The following EHMT2 variants were observed in gnomAD, a reference collection of about 807,000 sequenced individuals.
The protein encoded by EHMT2 is euchromatic histone lysine methyltransferase 2.
In EHMT2, 59 loss-of-function variants were observed where a neutral mutation model predicts 143.3. The ratio of observed to expected loss-of-function variants is 0.41; its 90% CI spans 0.33 to 0.51. The LOEUF is 0.51. Ranked by LOEUF, EHMT2 falls within the 20% of genes least tolerant of loss-of-function variation. The probability of loss-of-function intolerance (pLI) is 0.18; values close to 1 mark genes in which losing one functional copy is unlikely to be tolerated. For missense variants in EHMT2, 1,174 were observed against 1,645.9 expected, an observed-to-expected ratio of 0.71 and a Z score of 4.96; for synonymous variants, 604 against 651.5, an observed-to-expected ratio of 0.93 and a Z score of 1.11.
In EHMT2 at chr6:31,888,038, T is replaced by C. The variant is rs1250827012; in HGVS notation, c.1745+3A>G. On this transcript the variant is annotated splice_donor_region_variant and intron_variant, in intron 13 of 27. Coordinates refer to ENST00000375537, the Ensembl canonical transcript of EHMT2. The surrounding 1 kb of genome is among the most constrained non-coding windows in gnomAD (Gnocchi z 7.4). ...AGACAGTACAGAAGGGGGAGGCCAG[T>C]ACCTGGGCTGAGAAGTGTCTGCTCT... 6.3e-7 allele frequency: 1 copy of C among 1,576,670 alleles called. No individual in the cohort carries two copies. Among genetic ancestry groups the C allele is most frequent in the Non-Finnish European group, 8.6e-7 (1 of 1,161,902 alleles).
intron 4 of EHMT2, 24 bp downstream of exon 4, chr6:31,896,239 T>G (rs1213669852): frequency 6.3e-7 from 1 of 1,592,702 alleles, no homozygotes; most frequent in African/African-American, 1.3e-5. Flanking sequence ...TGGTTGATTA[T>G]CCCATCTCTC....
Position 31,880,153 on chromosome 6 carries a change from A to C in EHMT2, c.3564T>G (p.Arg1188=). The C allele has an allele frequency of 6.2e-7, 1 of 1,612,966 alleles. No homozygotes were observed. Among genetic ancestry groups the C allele is most frequent in the Non-Finnish European group, 8.5e-7 (1 of 1,180,008 alleles). Residue 1188 remains arginine (R), a synonymous_variant, in exon 28 of 28, where the codon CGT becomes CGG. Coordinates refer to ENST00000375537, the Ensembl canonical transcript of EHMT2. This position sits in a 1 kb window ranked among gnomAD's most constrained non-coding sequence, Gnocchi z 6.6. ...CAGGGTGTGGGTCCAGGCGGGCCAG[A>C]CGGCTCTGCTCCAGGGCAATGGCTT... is the stretch of plus-strand genomic sequence containing the variant.
At chr6:31,882,765 C>T in exon 25 of EHMT2, 3 of 1,612,432 alleles carry the variant, frequency 1.9e-6, no homozygotes, top group African/African-American at 1.3e-5. Flanking sequence ...CTTGGCTGTT[C>T]GGTAGAGCTG....
At chr6:31,885,078 G>A in intron 18 of EHMT2, 62 bp from the exon 19 acceptor site, 1 of 1,538,524 alleles carries the variant, frequency 6.5e-7, no homozygotes, top group Non-Finnish European at 8.8e-7. Flanking sequence ...GCAGCAAATG[G>A]TCAAGATTGG....
chr6:31,888,020 A>G lies in EHMT2; in HGVS notation c.1745+21T>C. The stretch of plus-strand genomic sequence containing the variant: ...AGGGGTGGGGGAGGGAACAGACAGT[A>G]CAGAAGGGGGAGGCCAGTACCTGGG... On this transcript the variant is annotated intron_variant, in intron 13 of 27. Coordinates refer to ENST00000375537, the Ensembl canonical transcript of EHMT2. This position sits in a 1 kb window ranked among gnomAD's most constrained non-coding sequence, Gnocchi z 7.4. The G allele has an allele frequency of 3.2e-6, 5 of 1,572,538 alleles. No individual in the cohort carries two copies. The highest frequency in any genetic ancestry group is 4.3e-6 in the Non-Finnish European group (5 of 1,159,538).
At chr6:31,879,913 G>C in exon 28 of EHMT2, 1 of 762,076 alleles carries the variant, frequency 1.3e-6, no homozygotes. Flanking sequence ...CTGGGAGGGA[G>C]GGGCTGTCAG....
At position 31,887,974 on chromosome 6, in the gene EHMT2, G is replaced by C. The variant is rs764287149; in HGVS notation, c.1746-13C>G. ...TCGCATCCGGGCACTGTGGAAGAAG[G>C]AGCTCATGTCCAGGAGCAATAGGGG... On this transcript the variant is annotated splice_polypyrimidine_tract_variant and intron_variant, in intron 13 of 27. Coordinates refer to ENST00000375537, the Ensembl canonical transcript of EHMT2. 1.3e-6 allele frequency: 2 copies of C among 1,582,848 alleles called. No individual in the cohort carries two copies. The highest frequency in any genetic ancestry group is 1.3e-5 in the African/African-American group (1 of 74,190).
Position 31,884,199 on chromosome 6 carries a change from G to T in EHMT2, c.2771+193C>A. The stretch of plus-strand genomic sequence containing the variant: ...ATGCATCTGTGCATCTGAAATTCCA[G>T]TTTAACTGGGTGTCTTCTATTTTTA... On this transcript the variant is annotated intron_variant, in intron 21 of 27. Transcript: ENST00000375537. The surrounding 1 kb of genome is among the most constrained non-coding windows in gnomAD (Gnocchi z 7.3). The T allele has an allele frequency of 1.4e-6, 1 of 740,434 alleles. No individual in the cohort carries two copies. The highest frequency in any genetic ancestry group is 2.1e-6 in the Non-Finnish European group (1 of 468,450). The allele number at this position is 740,434 out of a possible 1,614,324, so 45.9% of individuals were successfully genotyped here.
Position 31,888,121 on chromosome 6 carries a change from G to A in EHMT2, c.1665C>T (p.Thr555=), listed in dbSNP as rs936589930. The change falls in exon 13 of 28, where the codon ACC becomes ACT. Residue 555 remains threonine (T), a synonymous_variant. Transcript: ENST00000375537. The surrounding 1 kb of genome is among the most constrained non-coding windows in gnomAD (Gnocchi z 7.4). ...CAGGAGCTGCAGTGCCGGCCGGTGG[G>A]GTCACCCCGTCACCCCGGGGGATGG... The A allele has an allele frequency of 6.2e-7, 1 of 1,612,204 alleles. No individual in the cohort carries two copies. The highest frequency in any genetic ancestry group is 1.1e-5 in the South Asian group (1 of 91,064).
exon 16 of EHMT2, chr6:31,887,005 A>G (rs1764949543): frequency 6.2e-7 from 1 of 1,613,930 alleles, no homozygotes; most frequent in African/African-American, 1.3e-5. Context: ...CTGCAGCAGC[A>G]CATGGCAGAT....
At position 31,884,583 on chromosome 6, in the gene EHMT2, A is replaced by C; in HGVS notation, c.2604-24T>G. ...ACCTGAAGAGGGGACAGGATGCCCA[A>C]TGCAGGGTCTGAGGCTGCAAGAAGT... On this transcript the variant is annotated intron_variant, in intron 20 of 27. Transcript: ENST00000375537. The surrounding 1 kb of genome is among the most constrained non-coding windows in gnomAD (Gnocchi z 7.3). 6.2e-7 allele frequency: 1 copy of C among 1,611,656 alleles called. No individual in the cohort carries two copies. Among genetic ancestry groups the C allele is most frequent in the Non-Finnish European group, 8.5e-7 (1 of 1,179,096 alleles).
In EHMT2 at chr6:31,884,374, G is replaced by A; in HGVS notation, c.2771+18C>T. On this transcript the variant is annotated intron_variant, in intron 21 of 27. Transcript: ENST00000375537. The surrounding 1 kb of genome is among the most constrained non-coding windows in gnomAD (Gnocchi z 7.3). ...GGGAGGAGGTGGTCTTGGGTGCAGAGAGGGGCCCAGGGCTCACCGGCAGAT... is the reference window on the plus strand; with the variant it reads ...GGGAGGAGGTGGTCTTGGGTGCAGAAAGGGGCCCAGGGCTCACCGGCAGAT... 6.2e-7 allele frequency: 1 copy of A among 1,603,480 alleles called. No individual in the cohort carries two copies. The highest frequency in any genetic ancestry group is 1.7e-5 in the Admixed American group (1 of 59,772).
At position 31,889,178 on chromosome 6, in the gene EHMT2, G is replaced by A. The variant is rs754544743; in HGVS notation, c.1114+50C>T. ...GTGTGTGTGCGTGCACACACTCTGG[G>A]GGGCCGGGCGGGGGCTGGAGGGCAC... On this transcript the variant is annotated intron_variant, in intron 9 of 27. Transcript: ENST00000375537. This position sits in a 1 kb window ranked among gnomAD's most constrained non-coding sequence, Gnocchi z 5.1. 6.4e-7 allele frequency: 1 copy of A among 1,562,262 alleles called. No homozygotes were observed. The highest frequency in any genetic ancestry group is 1.9e-5 in the Admixed American group (1 of 52,490).
chr6:31,880,438 G>A lies in EHMT2; in HGVS notation c.3453-174C>T. The A allele has an allele frequency of 1.1e-6, 1 of 875,760 alleles. No individual in the cohort carries two copies. The highest frequency in any genetic ancestry group is 1.7e-6 in the Non-Finnish European group (1 of 587,590). 54.2% of individuals were successfully genotyped at this position (875,760 alleles called of 1,614,324 possible). A position where few individuals can be genotyped will look rare whatever the true frequency, so the allele number is the denominator to read the frequency against. On this transcript the variant is annotated intron_variant, in intron 27 of 27. Transcript: ENST00000375537. The surrounding 1 kb of genome is among the most constrained non-coding windows in gnomAD (Gnocchi z 6.6). Reference sequence around the variant, plus strand: ...ACTTTCAGCATCAGCATTGCCTGGGGACTTTTTAGAAATGCAGAATCCTGG... The same window carrying A: ...ACTTTCAGCATCAGCATTGCCTGGGAACTTTTTAGAAATGCAGAATCCTGG...
intron 18 of EHMT2, chr6:31,886,368 TAA>T (rs1353201750): frequency 1.7e-6 from 1 of 578,846 alleles, no homozygotes; most frequent in East Asian, 2.8e-5. Flanking sequence ...TTTCAGAGAT[TAA>T]GACAGGAACT....
intron 4 of EHMT2, chr6:31,893,520 T>G: frequency 1.9e-5 from 6 of 309,244 alleles, no homozygotes; most frequent in South Asian, 1.5e-4. Context: ...AGAGAAGAGG[T>G]CTTGCCATGT....
At chr6:31,887,547 A>C in intron 15 of EHMT2, 30 bp downstream of exon 15, 1 of 1,606,024 alleles carries the variant, frequency 6.2e-7, no homozygotes, top group Non-Finnish European at 8.5e-7. Flanking sequence ...AGCTTGGTCA[A>C]GGTCTGCTGA....
In EHMT2 at chr6:31,889,781, G is replaced by A. The variant is rs1191403207; in HGVS notation, c.865-179C>T. 6.6e-6 allele frequency among the ~76,000 whole-genome samples: 1 copy of A among 152,160 alleles called. No individual in the cohort carries two copies. Among genetic ancestry groups the A allele is most frequent in the African/African-American group, 2.4e-5 (1 of 41,426 alleles). Reference sequence around the variant, plus strand: ...GAGAGGGTGCATGGAATATTACACAGCAGTGAAAAAGTTACAGACAGCAAT... The same window carrying A: ...GAGAGGGTGCATGGAATATTACACAACAGTGAAAAAGTTACAGACAGCAAT... On this transcript the variant is annotated intron_variant, in intron 7 of 27. Coordinates refer to ENST00000375537, the Ensembl canonical transcript of EHMT2. This position sits in a 1 kb window ranked among gnomAD's most constrained non-coding sequence, Gnocchi z 5.1.
chr6:31,889,350 G>A lies in EHMT2; in HGVS notation c.1000-8C>T. ...CCGGCCACTGGAACCACTCTGGGAA[G>A]GGGGAGGAGGAGGAGTTAGGAACCC... is the stretch of plus-strand genomic sequence containing the variant. On this transcript the variant is annotated splice_polypyrimidine_tract_variant and splice_region_variant and intron_variant, in intron 8 of 27. Transcript: ENST00000375537. This position sits in a 1 kb window ranked among gnomAD's most constrained non-coding sequence, Gnocchi z 5.1. 6.2e-7 allele frequency: 1 copy of A among 1,611,438 alleles called. No homozygotes were observed. Among genetic ancestry groups the A allele is most frequent in the Non-Finnish European group, 8.5e-7 (1 of 1,179,808 alleles).
Sources: allele counts gnomAD v4.1 joint callset (sites outside exome capture counted in the v4.1 genomes callset), GRCh38; gene constraint gnomAD v4.1.1; non-coding constraint Gnocchi (gnomAD v3.1); transcripts MANE v1.5; gene names NCBI Gene and HGNC (gene_info 2026-07-23, HGNC 2026-07-21).